FTCDNL1: variants seen among roughly 807,000 people sequenced by gnomAD.
FTCDNL1 encodes formiminotransferase cyclodeaminase N-terminal like, also known as formiminotransferase N-terminal subdomain-containing protein.
FTCDNL1 carries 11 observed loss-of-function variants against 5.9 expected under a neutral mutation model. The observed-to-expected ratio is 1.87, with a 90% CI of 1.18 to 3.10. The LOEUF (loss-of-function observed/expected upper bound fraction) is 3.10, where lower values mean the gene tolerates loss of function less well. Ranked by LOEUF, FTCDNL1 falls within the 30% of genes most tolerant of loss-of-function variation. FTCDNL1 has a pLI of 0.00. For missense variants in FTCDNL1, 115 were observed against 65.5 expected (o/e 1.76, Z -2.61); for synonymous variants, 58 against 24.8 (o/e 2.34, Z -3.99).
chr2:199,736,329 C>A, the FTCDNL1 span, among the ~76,000 whole-genome samples: 1 of 152,140 alleles, frequency 6.6e-6, no homozygotes, highest in African/African-American at 2.4e-5. Context: ...CCATGAGCTT[C>A]CTTGGATCAT....
intron 4 of FTCDNL1, among the ~76,000 whole-genome samples, chr2:199,816,077 T>C (rs556532899): frequency 1.1e-4 from 16 of 152,310 alleles, no homozygotes; most frequent in African/African-American, 3.8e-4. Flanking sequence ...ATATGTGCAA[T>C]TAAGGTAACC....
chr2:199,699,575 A>G, the FTCDNL1 span, among the ~76,000 whole-genome samples: 32 of 152,326 alleles, frequency 2.1e-4, no homozygotes, highest in African/African-American at 6.7e-4. Flanking sequence ...TTCTGATACC[A>G]AAACCTGGAA....
the FTCDNL1 span, among the ~76,000 whole-genome samples, chr2:199,688,391 C>T: frequency 6.6e-6 from 1 of 152,024 alleles, no homozygotes; most frequent in African/African-American, 2.4e-5. Flanking sequence ...TCTTAGACCC[C>T]AGGAGCCAAG....
At chr2:199,707,263 A>C in the FTCDNL1 span, among the ~76,000 whole-genome samples, 1 of 152,166 alleles carries the variant, frequency 6.6e-6, no homozygotes, top group African/African-American at 2.4e-5. Context: ...TTCTTCCTTG[A>C]ATATTTGAGA....
chr2:199,780,888 T>C (rs143899190), intron 3 of FTCDNL1, among the ~76,000 whole-genome samples: 2,363 of 152,322 alleles, frequency 0.016, 26 homozygotes, highest in Middle Eastern at 0.024. Flanking sequence ...TTTCTGTGCC[T>C]GCTGTTCTCT....
chr2:199,702,601 A>G, the FTCDNL1 span, among the ~76,000 whole-genome samples: 1 of 152,210 alleles, frequency 6.6e-6, no homozygotes, highest in Non-Finnish European at 1.5e-5. Flanking sequence ...CATTCAACAA[A>G]TATTTATCAA....
rs536847389 is a variant in FTCDNL1 at position 199,817,265 on chromosome 2, G to C, written c.397+2307C>G. On this transcript the variant is annotated intron_variant, in intron 4 of 4. Coordinates refer to ENST00000420128, the MANE Select transcript of FTCDNL1 (RefSeq NM_001363886.2). ...GTTATATACATTTTTAGAGCTCTTC[G>C]CACATATCACAAGCTCACTTCTAAA... Among the ~76,000 whole-genome samples, 295 of 152,044 alleles carry C rather than the reference G, an allele frequency of 1.9e-3. 4 individuals are homozygous for C. Among genetic ancestry groups the C allele is most frequent in the Middle Eastern group, 0.017 (5 of 294 alleles).
chr2:199,753,393 T>C, the FTCDNL1 span, among the ~76,000 whole-genome samples: 3 of 152,208 alleles, frequency 2.0e-5, no homozygotes, highest in African/African-American at 7.2e-5. Context: ...GGCCATGCTG[T>C]ACAGGAGCCT....
chr2:199,746,674 A>G, the FTCDNL1 span, among the ~76,000 whole-genome samples: 1 of 151,986 alleles, frequency 6.6e-6, no homozygotes, highest in African/African-American at 2.4e-5. Flanking sequence ...CCTACTGAAG[A>G]CTAGCAAGAG....
chr2:199,743,071 T>C, the FTCDNL1 span, among the ~76,000 whole-genome samples: 4 of 152,236 alleles, frequency 2.6e-5, no homozygotes, highest in African/African-American at 9.6e-5. Context: ...CCTGCTGTTT[T>C]ATCCCTAGGG....
chr2:199,806,290 C>T (rs779216638), downstream of FTCDNL1, among the ~76,000 whole-genome samples: 4 of 152,136 alleles, frequency 2.6e-5, no homozygotes, highest in Admixed American at 2.6e-4. Flanking sequence ...CAACATACTT[C>T]GGGAGCACGG....
chr2:199,849,462 T>C (rs562585186), intron 1 of FTCDNL1, among the ~76,000 whole-genome samples: 1 of 152,354 alleles, frequency 6.6e-6, no homozygotes, highest in East Asian at 1.9e-4. Flanking sequence ...GGCCATGCCA[T>C]GGACATTATA....
intron 3 of FTCDNL1, among the ~76,000 whole-genome samples, chr2:199,763,437 T>G (rs1192883277): frequency 6.6e-6 from 1 of 152,206 alleles, no homozygotes; most frequent in Non-Finnish European, 1.5e-5. Context: ...TTAAATATTT[T>G]TATGTAGCCC....
At chr2:199,678,531 T>C in the FTCDNL1 span, among the ~76,000 whole-genome samples, 1 of 152,096 alleles carries the variant, frequency 6.6e-6, no homozygotes, top group Non-Finnish European at 1.5e-5. Flanking sequence ...CAGTATTTCC[T>C]TGACTGTAAG....
intron 4 of FTCDNL1, among the ~76,000 whole-genome samples, chr2:199,815,538 C>G (rs1701299740): frequency 6.6e-6 from 1 of 151,302 alleles, no homozygotes; most frequent in African/African-American, 2.4e-5. Context: ...GAAACACTGA[C>G]ATAACCAAAA....
intron 3 of FTCDNL1, among the ~76,000 whole-genome samples, chr2:199,802,749 A>G (rs1439218533): frequency 6.6e-6 from 1 of 152,198 alleles, no homozygotes; most frequent in East Asian, 1.9e-4. Context: ...GGCGATGTGC[A>G]GTTCATCCTC....
intron 3 of FTCDNL1, among the ~76,000 whole-genome samples, chr2:199,798,491 G>A (rs947559468): frequency 1.6e-4 from 25 of 152,152 alleles, no homozygotes; most frequent in African/African-American, 6.0e-4. Context: ...GTTCACCTAC[G>A]TCCTCAGAGC....
downstream of FTCDNL1, among the ~76,000 whole-genome samples, chr2:199,807,803 T>A (rs1429409481): frequency 6.6e-6 from 1 of 152,192 alleles, no homozygotes; most frequent in Admixed American, 6.6e-5. Flanking sequence ...AAATAGGTCA[T>A]ACATATTTGT....
At chr2:199,706,444 T>C in the FTCDNL1 span, among the ~76,000 whole-genome samples, 1 of 152,202 alleles carries the variant, frequency 6.6e-6, no homozygotes, top group Non-Finnish European at 1.5e-5. Context: ...GCTCCAATTA[T>C]GCTGGTTCAA....
Sources: gnomAD v4.1 joint callset for allele counts (sites outside exome capture counted in the v4.1 genomes callset) on GRCh38, gnomAD v4.1.1 for gene constraint, MANE v1.5 for transcripts, NCBI Gene and HGNC (gene_info 2026-07-23, HGNC 2026-07-21) for gene names.